Variants in LEF1 observed in about 807,000 individuals in gnomAD.
LEF1 encodes lymphoid enhancer-binding factor 1.
A neutral mutation model predicts 51.2 loss-of-function variants in LEF1; 14 were observed. The ratio of observed to expected loss-of-function variants is 0.27; its 90% CI spans 0.18 to 0.43. The LOEUF is 0.43. Among genes scored for constraint, LEF1 ranks in the 20% least tolerant of loss-of-function variants. LEF1 has a pLI of 1.00. For synonymous variants in LEF1, 185 were observed against 183.2 expected, an observed-to-expected ratio of 1.01 and a Z score of -0.08; for missense variants, 386 against 512.0, an observed-to-expected ratio of 0.75 and a Z score of 2.37.
At chr4:108,094,661 A>G (rs1740262924) in intron 3 of LEF1, among the ~76,000 whole-genome samples, 1 of 152,196 alleles carries the variant, frequency 6.6e-6, no homozygotes. Context: ...TCCAGGTTCT[A>G]ACTAAACTAA....
intron 11 of LEF1, among the ~76,000 whole-genome samples, chr4:108,052,631 A>C (rs1434782313): frequency 6.6e-6 from 1 of 152,206 alleles, no homozygotes; most frequent in East Asian, 1.9e-4. Context: ...AGCAGGAAGC[A>C]AGCGTGACAG....
intron 8 of LEF1, chr4:108,071,991 G>A (rs113269231): frequency 0.015 from 2,260 of 152,218 alleles, 21 homozygotes; most frequent in African/African-American, 0.027. Flanking sequence ...TTTTGTACCC[G>A]CATGTGCTCA....
intron 4 of LEF1, among the ~76,000 whole-genome samples, chr4:108,087,119 G>A (rs568412940): frequency 1.3e-5 from 2 of 152,208 alleles, no homozygotes; most frequent in African/African-American, 4.8e-5. Context: ...AGAATTAAAA[G>A]GAAGAGATCT....
At chr4:108,117,480 C>G (rs1368809918) in intron 3 of LEF1, among the ~76,000 whole-genome samples, 1 of 152,228 alleles carries the variant, frequency 6.6e-6, no homozygotes, top group Non-Finnish European at 1.5e-5. Context: ...ACAGCCACCC[C>G]CAAACAGGTG....
chr4:108,058,361 C>T (rs1328007356), intron 11 of LEF1, among the ~76,000 whole-genome samples: 1 of 152,016 alleles, frequency 6.6e-6, no homozygotes, highest in Admixed American at 6.5e-5. Context: ...AATTAGTAAA[C>T]TCAGAGTCAT....
intron 5 of LEF1, 67 bp from the exon 6 acceptor site, chr4:108,081,736 G>T: frequency 1.8e-6 from 2 of 1,099,710 alleles, no homozygotes; most frequent in South Asian, 2.6e-5. Context: ...AGTAAGAGTT[G>T]GATGAGGGGA....
chr4:108,150,408 C>A (rs1744298371), intron 3 of LEF1, among the ~76,000 whole-genome samples: 1 of 152,170 alleles, frequency 6.6e-6, no homozygotes, highest in South Asian at 2.1e-4. Flanking sequence ...AGACACTTAT[C>A]AAACTATGTC....
At chr4:108,118,255 C>T (rs1472466341) in intron 3 of LEF1, among the ~76,000 whole-genome samples, 1 of 152,214 alleles carries the variant, frequency 6.6e-6, no homozygotes, top group South Asian at 2.1e-4. Context: ...TTACTGCTAA[C>T]TTGGAAGGTG....
chr4:108,166,136 G>A, intron 1 of LEF1: 1 of 769,688 alleles, frequency 1.3e-6, no homozygotes, highest in Non-Finnish European at 1.9e-6. Flanking sequence ...CCAGCACACA[G>A]TAGTCACAAA....
intron 11 of LEF1, among the ~76,000 whole-genome samples, chr4:108,059,337 T>G (rs372318046): frequency 6.6e-6 from 1 of 152,100 alleles, no homozygotes; most frequent in Non-Finnish European, 1.5e-5. Flanking sequence ...AAAATACAAG[T>G]TTTTTGTTCT....
intron 3 of LEF1, among the ~76,000 whole-genome samples, chr4:108,121,969 A>C (rs936033851): frequency 6.6e-6 from 1 of 152,076 alleles, no homozygotes; most frequent in Admixed American, 6.6e-5. Flanking sequence ...TTTCCTTCTA[A>C]ATTAATGGTT....
chr4:108,125,492 C>T (rs144020966), intron 3 of LEF1, among the ~76,000 whole-genome samples: 229 of 152,176 alleles, frequency 1.5e-3, no homozygotes, highest in African/African-American at 5.2e-3. Context: ...TAGTATGACT[C>T]GAGCTCTTTT....
intron 11 of LEF1, among the ~76,000 whole-genome samples, chr4:108,059,822 C>A (rs955811392): frequency 1.3e-5 from 2 of 152,126 alleles, no homozygotes; most frequent in Non-Finnish European, 2.9e-5. Context: ...ACCACCTCAG[C>A]CTCGCCAGTA....
intron 9 of LEF1, among the ~76,000 whole-genome samples, chr4:108,064,680 CACACACACACACA>C (rs768526499): frequency 3.0e-5 from 2 of 67,380 alleles, no homozygotes; most frequent in Admixed American, 1.3e-4. Flanking sequence ...CACACACACA[CACACACACACACA>C]ATGATGTCTT....
At chr4:108,153,514 T>A (rs1659800666) in intron 3 of LEF1, among the ~76,000 whole-genome samples, 1 of 152,232 alleles carries the variant, frequency 6.6e-6, no homozygotes, top group African/African-American at 2.4e-5. Context: ...ATGAAAATTA[T>A]CAGCCTCAAA....
At chr4:108,099,930 A>G (rs1188833072) in intron 3 of LEF1, among the ~76,000 whole-genome samples, 1 of 152,036 alleles carries the variant, frequency 6.6e-6, no homozygotes, top group African/African-American at 2.4e-5. Context: ...TAACTTTTAC[A>G]AATACCTAAC....
intron 3 of LEF1, among the ~76,000 whole-genome samples, chr4:108,157,179 T>TACACACACACACACACACACACACAC (rs59867246): frequency 8.6e-6 from 1 of 116,740 alleles, no homozygotes; most frequent in African/African-American, 3.3e-5. Flanking sequence ...TATATATATA[T>TACACACACACACACACACACACACAC]ACACACACAC....
rs556781625 is a variant in LEF1 at position 108,086,262 on chromosome 4, A to AT, written c.548-2817dup. Among the ~76,000 whole-genome samples the AT allele has an allele frequency of 4.1e-3, 625 of 151,940 alleles. 4 individuals carry two copies. Among genetic ancestry groups the AT allele is most frequent in the African/African-American group, 0.014 (587 of 41,428 alleles). On this transcript the variant is annotated intron_variant, in intron 4 of 11. Transcript: ENST00000265165. The stretch of plus-strand genomic sequence containing the variant: ...TTTAAGTTTATTTTTTATTTATTTA[A>AT]TTTTTTTAGAGCTGAGGGGGTCTCA...
intron 3 of LEF1, 47 bp from the exon 4 acceptor site, chr4:108,089,304 C>A: frequency 6.3e-7 from 1 of 1,580,858 alleles, no homozygotes. Context: ...TGCCCAGCTC[C>A]AGTCTTTTCT....
Sources: allele counts gnomAD v4.1 joint callset (sites outside exome capture counted in the v4.1 genomes callset), GRCh38; gene constraint gnomAD v4.1.1; transcripts MANE v1.5; gene names NCBI Gene and HGNC (gene_info 2026-07-23, HGNC 2026-07-21).